The following EPN3 variants were observed in gnomAD, a reference collection of about 807,000 sequenced individuals.
EPN3 encodes the protein epsin 3.
Under a neutral mutation model 55.5 loss-of-function variants are expected in EPN3, and 56 were observed. The ratio of observed to expected loss-of-function variants is 1.01; its 90% CI spans 0.81 to 1.26. The LOEUF (loss-of-function observed/expected upper bound fraction) is 1.26, where lower values mean the gene tolerates loss of function less well. EPN3 is among the 50% of genes most tolerant of loss of function. EPN3 has a pLI of 0.00. For synonymous variants in EPN3, 449 were observed against 375.2 expected (o/e 1.20, Z -2.27); for missense variants, 927 against 853.4 (o/e 1.09, Z -1.07).
rs371737517 is a variant in EPN3 at position 50,536,971 on chromosome 17, C to T, written c.415C>T (p.Arg139Trp). Residue 139 changes from arginine to tryptophan, a missense_variant, in exon 2 of 10, where the codon CGG becomes TGG. Arg to Trp is a moderately radical substitution (Grantham distance 101). Transcript: ENST00000268933. ...GATGGCCCTGCTCAAGGATGAGGAGCGGCTGCGGCAGGAGCGAACCCACGC... is the reference window on the plus strand; with the variant it reads ...GATGGCCCTGCTCAAGGATGAGGAGTGGCTGCGGCAGGAGCGAACCCACGC... ...QVMALLKDEE[R>W]LRQERTHALK... 4.5e-5 allele frequency: 73 copies of T among 1,613,894 alleles called. No individual in the cohort carries two copies. In the Middle Eastern group the frequency reaches 1.2e-3, roughly 26 times the overall value.
chr17:50,536,703 C>T lies in EPN3; in HGVS notation c.147C>T (p.Asn49=). The change falls in exon 2 of 10, where the codon AAC becomes AAT. Residue 49 remains asparagine, a synonymous_variant. Coordinates refer to ENST00000268933, the MANE Select transcript of EPN3 (RefSeq NM_017957.3). ...CCGAGATCGCTGACCTGACCTTCAACACAGTGGCCTTCACCGAAGTCATGG... is the reference window on the plus strand; with the variant it reads ...CCGAGATCGCTGACCTGACCTTCAATACAGTGGCCTTCACCGAAGTCATGG... ...LMSEIADLTF[N]TVAFTEVMGM... is the part of the protein sequence containing the mutation. 1 of 1,614,156 alleles carries T rather than the reference C, an allele frequency of 6.2e-7. No individual in the cohort carries two copies. The highest frequency in any genetic ancestry group is 8.5e-7 in the Non-Finnish European group (1 of 1,180,040).
chr17:50,534,755 T>A (rs1191993218), intron 1 of EPN3: 1 of 690,116 alleles, frequency 1.4e-6, no homozygotes, highest in Non-Finnish European at 1.8e-6. Context: ...TTTCAAAGCG[T>A]GGGGCTGCTT....
intron 2 of EPN3, 136 bp downstream of exon 2, chr17:50,537,254 G>A (rs1039402155): frequency 6.6e-6 from 6 of 915,458 alleles, no homozygotes; most frequent in South Asian, 3.5e-5. Flanking sequence ...AATGTAACAC[G>A]CAAGGCGCAA....
At chr17:50,540,194 C>T in intron 5 of EPN3, 53 bp from the exon 6 acceptor site, 1 of 1,453,872 alleles carries the variant, frequency 6.9e-7, no homozygotes, top group Non-Finnish European at 9.6e-7. Flanking sequence ...AGGGCCTGCC[C>T]TCCCTCCAGG....
chr17:50,535,978 G>A (rs1372811463), intron 1 of EPN3: 1 of 153,748 alleles, frequency 6.5e-6, no homozygotes, highest in East Asian at 1.9e-4. Context: ...GGTCATCTTG[G>A]TTCCCCATGC....
chr17:50,543,497 A>C lies in EPN3; in HGVS notation c.*1340A>C, dbSNP rs1260645045. 1 of 152,242 alleles carries C rather than the reference A, an allele frequency of 6.6e-6. No homozygotes were observed. The highest frequency in any genetic ancestry group is 1.5e-5 in the Non-Finnish European group (1 of 68,046). 9.4% of individuals were successfully genotyped at this position (152,242 alleles called of 1,614,324 possible). On this transcript the variant is annotated 3_prime_UTR_variant, in exon 10 of 10. Coordinates refer to ENST00000268933, the MANE Select transcript of EPN3 (RefSeq NM_017957.3). ...TGCAGGCAGCCTGCAGCCAGCCTCC[A>C]TCCCCCTTTCAGGGACAAATGGCCT...
chr17:50,533,904 C>T (rs945592140), intron 1 of EPN3, among the ~76,000 whole-genome samples: 7 of 152,202 alleles, frequency 4.6e-5, no homozygotes, highest in Non-Finnish European at 8.8e-5. Flanking sequence ...ATTCCATACC[C>T]AGCTGCCCAG....
At chr17:50,537,279 G>A in intron 2 of EPN3, 161 bp downstream of exon 2, 1 of 712,438 alleles carries the variant, frequency 1.4e-6, no homozygotes, top group Non-Finnish European at 2.3e-6. Flanking sequence ...CGGCACATAG[G>A]AGGTGCTCAA....
rs2034844733 is a variant in EPN3, at chr17:50,541,233, T to A, written c.1254T>A (p.Gly418=). The change falls in exon 8 of 10, where the codon GGT becomes GGA. Residue 418 remains glycine (G), a synonymous_variant. Transcript: ENST00000268933. ...ASLETSDTPG[G]ASTFDPFAKP... ...TCTTCCTCTCTCTCTTCCGAGGTGG[T>A]GCCTCGACCTTTGACCCATTTGCCA... 6 of 1,613,696 alleles carry A rather than the reference T, an allele frequency of 3.7e-6. No individual in the cohort carries two copies. In the East Asian group the frequency reaches 1.3e-4, roughly 36 times the overall value.
chr17:50,533,753 A>G (rs2034714825), intron 1 of EPN3, among the ~76,000 whole-genome samples: 1 of 152,004 alleles, frequency 6.6e-6, no homozygotes, highest in African/African-American at 2.4e-5. Flanking sequence ...CCCGTGGCCC[A>G]TCCCACCGCC....
chr17:50,539,787 C>T (rs1159753066), intron 5 of EPN3, among the ~76,000 whole-genome samples: 1 of 152,252 alleles, frequency 6.6e-6, no homozygotes, highest in East Asian at 1.9e-4. Context: ...CCCTCCAAAG[C>T]TGTCCATGCC....
rs1308281763 is a variant in EPN3, at chr17:50,541,695, G to A, written c.1585+1G>A. On this transcript the variant is annotated splice_donor_variant, in intron 9 of 9. Transcript: ENST00000268933. LOFTEE classifies it high-confidence loss of function. The stretch of plus-strand genomic sequence containing the variant: ...AAGACCCGGAACCCCTTCCTGACAG[G>A]TAAGATATGCCCTTGTCCCTCAACC... 6.2e-6 allele frequency: 10 copies of A among 1,613,804 alleles called. No individual in the cohort carries two copies. The highest frequency in any genetic ancestry group is 5.0e-5 in the Admixed American group (3 of 60,004).
chr17:50,537,239 T>C, intron 2 of EPN3, 121 bp downstream of exon 2: 1 of 1,069,342 alleles, frequency 9.4e-7, no homozygotes, highest in Non-Finnish European at 1.3e-6. Context: ...GATTCAGACA[T>C]AAGGAATGTA....
intron 5 of EPN3, 147 bp downstream of exon 5, chr17:50,539,462 G>C: frequency 8.2e-7 from 1 of 1,226,792 alleles, no homozygotes; most frequent in Non-Finnish European, 1.1e-6. Flanking sequence ...AGCAGCCCTA[G>C]TCCCACATTG....
rs1435118927 is a variant in EPN3 at position 50,540,833 on chromosome 17, G to C, written c.1020G>C (p.Gly340=). Residue 340 remains glycine, a synonymous_variant, in exon 7 of 10, where the codon GGG becomes GGC. Coordinates refer to ENST00000268933, the MANE Select transcript of EPN3 (RefSeq NM_017957.3). ...PNTEASGSSW[G]PSADPWSPIP... The stretch of plus-strand genomic sequence containing the variant: ...CAGAGGCCAGTGGATCCTCCTGGGG[G>C]CCTTCTGCAGACCCCTGGTCTCCGA... 6.2e-7 allele frequency: 1 copy of C among 1,613,730 alleles called. No homozygotes were observed. The highest frequency in any genetic ancestry group is 8.5e-7 in the Non-Finnish European group (1 of 1,179,868).
At chr17:50,533,371 G>A (rs16949120) in intron 1 of EPN3, among the ~76,000 whole-genome samples, 28,132 of 152,114 alleles carry the variant, frequency 0.18, 3,095 homozygotes, top group African/African-American at 0.31. Context: ...GTGGCCAGAA[G>A]CTTAGAGTTC....
chr17:50,540,847 C>G lies in EPN3; in HGVS notation c.1034C>G (p.Pro345Arg), dbSNP rs746075607. 2.5e-6 allele frequency: 4 copies of G among 1,614,098 alleles called. No homozygotes were observed. Among genetic ancestry groups the G allele is most frequent in the Non-Finnish European group, 3.4e-6 (4 of 1,179,980 alleles). ...SGSSWGPSAD[P>R]WSPIPSGTVL... is the part of the protein sequence containing the mutation. ...TCCTCCTGGGGGCCTTCTGCAGACCCCTGGTCTCCGATCCCCTCAGGAACC... is the reference window on the plus strand; with the variant it reads ...TCCTCCTGGGGGCCTTCTGCAGACCGCTGGTCTCCGATCCCCTCAGGAACC... Residue 345 changes from proline to arginine, a missense_variant, in exon 7 of 10, where the codon CCC becomes CGC. Coordinates refer to ENST00000268933, the MANE Select transcript of EPN3 (RefSeq NM_017957.3).
At chr17:50,537,983 C>G in intron 2 of EPN3, 96 bp from the exon 3 acceptor site, 1 of 1,041,182 alleles carries the variant, frequency 9.6e-7, no homozygotes, top group South Asian at 1.4e-5. Context: ...TGTTCCCCTC[C>G]TCTCAGTTCT....
Position 50,541,010 on chromosome 17 carries a change from C to T in EPN3, c.1197C>T (p.Pro399=). Reference sequence around the variant, plus strand: ...TGAACTCTCCCCACCACAAACTCCCCAGCACTGGGGCTGACCCTTGGGGAG... The same window carrying T: ...TGAACTCTCCCCACCACAAACTCCCTAGCACTGGGGCTGACCCTTGGGGAG... The part of the protein sequence containing the change: ...WALNSPHHKL[P]STGADPWGAS... Residue 399 remains proline (P), a synonymous_variant, in exon 7 of 10, where the codon CCC becomes CCT. Coordinates refer to ENST00000268933, the MANE Select transcript of EPN3 (RefSeq NM_017957.3). 6.2e-7 allele frequency: 1 copy of T among 1,603,310 alleles called. No homozygotes were observed. Among genetic ancestry groups the T allele is most frequent in the Non-Finnish European group, 8.5e-7 (1 of 1,174,482 alleles).
Sources: allele counts gnomAD v4.1 joint callset (sites outside exome capture counted in the v4.1 genomes callset), GRCh38; gene constraint gnomAD v4.1.1; transcripts MANE v1.5; gene names NCBI Gene and HGNC (gene_info 2026-07-23, HGNC 2026-07-21).